Variants in AK2 observed in about 807,000 individuals in gnomAD.
AK2 encodes adenylate kinase 2.
Under a neutral mutation model 24.6 loss-of-function variants are expected in AK2, and 15 were observed. The observed-to-expected ratio is 0.61, with a 90% CI of 0.41 to 0.94. The LOEUF (loss-of-function observed/expected upper bound fraction) is 0.94, where lower values mean the gene tolerates loss of function less well. AK2 is among the 40% of genes least tolerant of loss of function. The pLI, the probability that AK2 is intolerant of heterozygous loss-of-function variation, is 0.00. For missense variants in AK2, 257 were observed against 304.1 expected, an observed-to-expected ratio of 0.85 and a Z score of 1.15; for synonymous variants, 102 against 114.0, an observed-to-expected ratio of 0.90 and a Z score of 0.67.
In AK2 at chr1:33,011,298, C is replaced by T. The variant is rs115634718; in HGVS notation, c.*1883G>A. 410 of 1,291,106 alleles carry T rather than the reference C, an allele frequency of 3.2e-4. No homozygotes were observed. In the African/African-American group the frequency reaches 5.6e-3, roughly 18 times the overall value. 80.0% of individuals were successfully genotyped at this position (1,291,106 alleles called of 1,614,324 possible). On this transcript the variant is annotated 3_prime_UTR_variant, in exon 6 of 6. Transcript: ENST00000672715. ...TCCCAGACCAGGCACACATAGCTGA[C>T]AGTTTTTGTTTCACTCCTCTTCCTT... is the stretch of plus-strand genomic sequence containing the variant.
At position 33,025,188 on chromosome 1, in the gene AK2, CAAAAAAA is replaced by C. The variant is rs386366656; in HGVS notation, c.94-628_94-622del. 7.3e-5 allele frequency among the ~76,000 whole-genome samples: 5 copies of C among 68,404 alleles called. No homozygotes were observed. The South Asian group carries it at 1.5e-3, about 21-fold the overall frequency. The allele number at this position is 68,404 out of a possible 152,430, so 44.9% of individuals were successfully genotyped here. A position where few individuals can be genotyped will look rare whatever the true frequency, so the allele number is the denominator to read the frequency against. On this transcript the variant is annotated intron_variant, in intron 1 of 5. Coordinates refer to ENST00000672715, the MANE Select transcript of AK2 (RefSeq NM_001625.4). The stretch of plus-strand genomic sequence containing the variant: ...CCTGGGTGACAGTGAGACTTCGTCT[CAAAAAAA>C]AAAAAAAAAAAAAAAGAGAATAAAA...
At chr1:33,015,689 G>A (rs982567037) in intron 4 of AK2, among the ~76,000 whole-genome samples, 1 of 152,108 alleles carries the variant, frequency 6.6e-6, no homozygotes, top group African/African-American at 2.4e-5. Context: ...TCAGGAGTTC[G>A]AGACCAGCCT....
intron 4 of AK2, among the ~76,000 whole-genome samples, chr1:33,018,199 C>T (rs887475452): frequency 6.6e-6 from 1 of 152,076 alleles, no homozygotes; most frequent in Non-Finnish European, 1.5e-5. Context: ...AAGTTAAAAA[C>T]AAAAACCACA....
rs960293627 is a variant in AK2, at chr1:33,008,757, A to G, written c.*4424T>C. 4.4e-6 allele frequency: 2 copies of G among 454,034 alleles called. No individual in the cohort carries two copies. Among genetic ancestry groups the G allele is most frequent in the South Asian group, 1.6e-5 (1 of 64,486 alleles). 28.1% of individuals were successfully genotyped at this position (454,034 alleles called of 1,614,324 possible). Reference sequence around the variant, plus strand: ...AGGGTTACGTGAAGTCGAGGGTTACATGAAGCCTTTGCATAATACCTGGCA... The same window carrying G: ...AGGGTTACGTGAAGTCGAGGGTTACGTGAAGCCTTTGCATAATACCTGGCA... On this transcript the variant is annotated 3_prime_UTR_variant, in exon 6 of 6. Coordinates refer to ENST00000672715, the MANE Select transcript of AK2 (RefSeq NM_001625.4).
chr1:33,020,866 G>A (rs1304155873), intron 4 of AK2, among the ~76,000 whole-genome samples: 3 of 146,348 alleles, frequency 2.0e-5, no homozygotes, highest in East Asian at 2.0e-4. Flanking sequence ...AGCAATAAGA[G>A]CCAGGCACAG....
Position 33,021,628 on chromosome 1 carries a change from C to A in AK2, c.295G>T (p.Asp99Tyr), listed in dbSNP as rs1639562313. The change falls in exon 3 of 6, where the codon GAT (aspartate) becomes TAT (tyrosine). Residue 99 changes from aspartate (D) to tyrosine (Y), a missense_variant. Asp to Tyr is a radical substitution (Grantham distance 160). Coordinates refer to ENST00000672715, the MANE Select transcript of AK2 (RefSeq NM_001625.4). The stretch of plus-strand genomic sequence containing the variant: ...TGCCTCACAGTCCGAGGGAAGCCAT[C>A]CAGAAGAAAACCATTTTTGCACAAG... ...TPLCKNGFLL[D>Y]GFPRTVRQAE... The A allele has an allele frequency of 6.2e-7, 1 of 1,614,138 alleles. No individual in the cohort carries two copies. Among genetic ancestry groups the A allele is most frequent in the Middle Eastern group, 1.6e-4 (1 of 6,062 alleles).
At chr1:33,024,605 T>G in intron 1 of AK2, 38 bp from the exon 2 acceptor site, 1 of 1,613,694 alleles carries the variant, frequency 6.2e-7, no homozygotes, top group African/African-American at 1.3e-5. Flanking sequence ...TTCAATTACA[T>G]TACAGGCTGT....
chr1:33,029,977 C>T (rs1640137122), intron 1 of AK2, among the ~76,000 whole-genome samples: 1 of 152,220 alleles, frequency 6.6e-6, no homozygotes, highest in East Asian at 1.9e-4. Context: ...AAGCCTTCAA[C>T]ATCTCTGTGG....
At chr1:33,015,274 T>C (rs189870282) in intron 4 of AK2, among the ~76,000 whole-genome samples, 8 of 152,312 alleles carry the variant, frequency 5.3e-5, no homozygotes, top group African/African-American at 1.7e-4. Context: ...AAAAATGACT[T>C]ATTAAACAAG....
rs572676485 is a variant in AK2, at chr1:33,011,608, G to A, written c.*1573C>T. ...CTGAATCGAGTCAGCAGCAGATTAT[G>A]CTGAGGCTGGCGATATTATTTACTG... On this transcript the variant is annotated 3_prime_UTR_variant, in exon 6 of 6. Coordinates refer to ENST00000672715, the MANE Select transcript of AK2 (RefSeq NM_001625.4). 4.2e-5 allele frequency: 54 copies of A among 1,288,912 alleles called. 1 individual carries two copies. In the South Asian group the frequency reaches 5.4e-4, roughly 13 times the overall value. 79.8% of individuals were successfully genotyped at this position (1,288,912 alleles called of 1,614,324 possible). A position where few individuals can be genotyped will look rare whatever the true frequency, so the allele number is the denominator to read the frequency against.
intron 4 of AK2, among the ~76,000 whole-genome samples, chr1:33,015,288 T>C (rs931074535): frequency 1.3e-5 from 2 of 152,160 alleles, no homozygotes; most frequent in Admixed American, 1.3e-4. Context: ...AAACAAGTCA[T>C]GGAATATAGA....
At chr1:33,034,029 A>G (rs1346315915) in intron 1 of AK2, among the ~76,000 whole-genome samples, 3 of 152,004 alleles carry the variant, frequency 2.0e-5, no homozygotes, top group African/African-American at 7.2e-5. Flanking sequence ...ACACACCACC[A>G]TGCCTGGCTA....
At position 33,011,911 on chromosome 1, in the gene AK2, G is replaced by A. The variant is rs745706743; in HGVS notation, c.*1270C>T. ...AAGGGTTGGATCTAGAAAGGAGAGG[G>A]TTTGGGCTTAAAAAGAACATATCTG... On this transcript the variant is annotated 3_prime_UTR_variant, in exon 6 of 6. Coordinates refer to ENST00000672715, the MANE Select transcript of AK2 (RefSeq NM_001625.4). 295 of 1,531,998 alleles carry A rather than the reference G, an allele frequency of 1.9e-4. 4 individuals carry two copies. The South Asian group carries it at 3.2e-3, about 17-fold the overall frequency. 94.9% of individuals were successfully genotyped at this position (1,531,998 alleles called of 1,614,324 possible). A position where few individuals can be genotyped will look rare whatever the true frequency, so the allele number is the denominator to read the frequency against.
chr1:33,016,559 G>A (rs892902552), intron 4 of AK2, among the ~76,000 whole-genome samples: 3 of 151,930 alleles, frequency 2.0e-5, no homozygotes, highest in Non-Finnish European at 4.4e-5. Context: ...GTCCAGGCTG[G>A]AGTGCAATGG....
intron 1 of AK2, among the ~76,000 whole-genome samples, chr1:33,025,293 C>A (rs554049240): frequency 6.6e-6 from 1 of 151,582 alleles, no homozygotes; most frequent in Admixed American, 6.6e-5. Flanking sequence ...TGGTACAACA[C>A]CTGGCACATA....
chr1:33,017,742 C>T (rs2268691), intron 4 of AK2, among the ~76,000 whole-genome samples: 43,018 of 152,008 alleles, frequency 0.28, 6,267 homozygotes, highest in Admixed American at 0.38. Context: ...TCACTGCTAC[C>T]GTGAGTGTGA....
At chr1:33,024,315 T>C in intron 2 of AK2, 127 bp downstream of exon 2, 2 of 1,316,222 alleles carry the variant, frequency 1.5e-6, no homozygotes, top group Non-Finnish European at 2.2e-6. Flanking sequence ...CTAGTGCAAC[T>C]GAGGAACTGA....
chr1:33,011,997 C>T lies in AK2; in HGVS notation c.*1184G>A. On this transcript the variant is annotated 3_prime_UTR_variant, in exon 6 of 6. Coordinates refer to ENST00000672715, the MANE Select transcript of AK2 (RefSeq NM_001625.4). ...GAATAAATACTGATCAAAATGAATCCAAGAATAGATCACACACTGTTTTGT... is the reference window on the plus strand; with the variant it reads ...GAATAAATACTGATCAAAATGAATCTAAGAATAGATCACACACTGTTTTGT... 2.0e-6 allele frequency: 3 copies of T among 1,535,132 alleles called. No individual in the cohort carries two copies. The highest frequency in any genetic ancestry group is 2.6e-6 in the Non-Finnish European group (3 of 1,146,638).
chr1:33,011,588 T>C lies in AK2; in HGVS notation c.*1593A>G. The stretch of plus-strand genomic sequence containing the variant: ...GCTGGGCACTTTAGAGTCCACTGAA[T>C]CGAGTCAGCAGCAGATTATGCTGAG... On this transcript the variant is annotated 3_prime_UTR_variant, in exon 6 of 6. Transcript: ENST00000672715. 1 of 1,286,938 alleles carries C rather than the reference T, an allele frequency of 7.8e-7. No individual in the cohort carries two copies. Among genetic ancestry groups the C allele is most frequent in the Non-Finnish European group, 1.0e-6 (1 of 988,330 alleles). The allele number at this position is 1,286,938 out of a possible 1,614,324, so 79.7% of individuals were successfully genotyped here. A position where few individuals can be genotyped will look rare whatever the true frequency, so the allele number is the denominator to read the frequency against.
Sources: allele counts gnomAD v4.1 joint callset (sites outside exome capture counted in the v4.1 genomes callset), GRCh38; gene constraint gnomAD v4.1.1; transcripts MANE v1.5; gene names NCBI Gene and HGNC (gene_info 2026-07-23, HGNC 2026-07-21).